LIMD1: variants seen among roughly 807,000 people sequenced by gnomAD.
LIMD1 encodes LIM domain-containing protein 1.
LIMD1 carries 23 observed loss-of-function variants against 58.4 expected under a neutral mutation model. The observed-to-expected ratio is 0.39, with a 90% CI of 0.28 to 0.56. The LOEUF (loss-of-function observed/expected upper bound fraction) is 0.56, where lower values mean the gene tolerates loss of function less well. Among genes scored for constraint, LIMD1 ranks in the 20% least tolerant of loss-of-function variants. The probability of loss-of-function intolerance (pLI) is 0.57; values close to 1 mark genes in which losing one functional copy is unlikely to be tolerated. For missense variants in LIMD1, 838 were observed against 855.5 expected (o/e 0.98, Z 0.25); for synonymous variants, 334 against 345.5 (o/e 0.97, Z 0.37).
At chr3:45,601,823 C>T (rs899651124) in intron 1 of LIMD1, among the ~76,000 whole-genome samples, 3 of 152,172 alleles carry the variant, frequency 2.0e-5, no homozygotes, top group African/African-American at 7.2e-5. Flanking sequence ...TGGTCTCTCA[C>T]GTCTGAGTGG....
intron 1 of LIMD1, chr3:45,632,694 G>T: frequency 4.0e-6 from 1 of 247,514 alleles, no homozygotes; most frequent in Non-Finnish European, 6.4e-6. Flanking sequence ...TTCACTAGGA[G>T]AGGCAAATGC....
At chr3:45,658,004 A>G (rs1479764579) in intron 2 of LIMD1, among the ~76,000 whole-genome samples, 2 of 152,228 alleles carry the variant, frequency 1.3e-5, no homozygotes, top group African/African-American at 4.8e-5. Context: ...CGTAAAAGGC[A>G]TGTGACAGTA....
At chr3:45,649,392 AT>A (rs1348353886) in intron 2 of LIMD1, among the ~76,000 whole-genome samples, 1 of 151,806 alleles carries the variant, frequency 6.6e-6, no homozygotes, top group African/African-American at 2.4e-5. Flanking sequence ...TTTAAAATAT[AT>A]TTTTTTGGCT....
intron 1 of LIMD1, among the ~76,000 whole-genome samples, chr3:45,598,697 T>TG (rs1482530131): frequency 6.6e-6 from 1 of 152,138 alleles, no homozygotes; most frequent in Non-Finnish European, 1.5e-5. Flanking sequence ...GCCCTGGGGC[T>TG]GGGGGTGGCA....
chr3:45,596,849 G>A (rs568646499), intron 1 of LIMD1, among the ~76,000 whole-genome samples: 10 of 149,036 alleles, frequency 6.7e-5, no homozygotes, highest in African/African-American at 2.5e-4. Flanking sequence ...TGAAAGACTT[G>A]TAGAGCAGTG....
chr3:45,672,626 C>T, intron 4 of LIMD1, 64 bp from the exon 5 acceptor site: 1 of 1,568,860 alleles, frequency 6.4e-7, no homozygotes, highest in Non-Finnish European at 8.7e-7. Context: ...CTGATGTGTT[C>T]CTCTCCCCTT....
At chr3:45,661,810 G>A (rs890834482) in intron 2 of LIMD1, among the ~76,000 whole-genome samples, 2 of 152,192 alleles carry the variant, frequency 1.3e-5, no homozygotes, top group South Asian at 2.1e-4. Flanking sequence ...CCAGGCTGGC[G>A]TGCACAGACG....
chr3:45,597,177 G>A (rs1290915615), intron 1 of LIMD1, among the ~76,000 whole-genome samples: 1 of 152,124 alleles, frequency 6.6e-6, no homozygotes, highest in Non-Finnish European at 1.5e-5. Flanking sequence ...TGGTTCTTAA[G>A]TGTAGTCCCT....
chr3:45,597,504 CT>C (rs1175415100), intron 1 of LIMD1, among the ~76,000 whole-genome samples: 1 of 152,220 alleles, frequency 6.6e-6, no homozygotes, highest in Non-Finnish European at 1.5e-5. Context: ...CTAGCTTCAA[CT>C]TTTTTTCTTT....
intron 1 of LIMD1, among the ~76,000 whole-genome samples, chr3:45,621,205 C>G (rs930641374): frequency 6.6e-6 from 1 of 151,866 alleles, no homozygotes; most frequent in Non-Finnish European, 1.5e-5. Flanking sequence ...CTCCCTTCCC[C>G]TCCCCTCCCC....
intron 5 of LIMD1, 133 bp from the exon 6 acceptor site, chr3:45,673,321 C>A: frequency 1.4e-6 from 1 of 719,146 alleles, no homozygotes; most frequent in Non-Finnish European, 2.5e-6. Flanking sequence ...AGGTACCAGT[C>A]ATTCTATGAG....
intron 7 of LIMD1, among the ~76,000 whole-genome samples, chr3:45,676,115 G>A (rs1391148727): frequency 2.0e-5 from 3 of 152,040 alleles, no homozygotes; most frequent in South Asian, 2.1e-4. Context: ...GTGTTGGCGC[G>A]TGCATAATCC....
chr3:45,601,943 C>CT (rs534236802), intron 1 of LIMD1, among the ~76,000 whole-genome samples: 1,859 of 141,588 alleles, frequency 0.013, 62 homozygotes, highest in African/African-American at 0.045. Flanking sequence ...AGGCTGTGGA[C>CT]TTTTTTTTTT....
At chr3:45,647,518 G>A (rs1257816446) in intron 2 of LIMD1, among the ~76,000 whole-genome samples, 1 of 152,126 alleles carries the variant, frequency 6.6e-6, no homozygotes, top group Non-Finnish European at 1.5e-5. Flanking sequence ...TCAGGGGCAG[G>A]GTGACAGCTG....
chr3:45,632,086 G>A, intron 1 of LIMD1, among the ~76,000 whole-genome samples: 1 of 152,156 alleles, frequency 6.6e-6, no homozygotes, highest in East Asian at 1.9e-4. Context: ...TTTGGGAGTG[G>A]TTTTACACCA....
At chr3:45,629,071 G>A (rs1701699295) in intron 1 of LIMD1, among the ~76,000 whole-genome samples, 1 of 152,100 alleles carries the variant, frequency 6.6e-6, no homozygotes, top group Non-Finnish European at 1.5e-5. Flanking sequence ...CTGGGGCAGT[G>A]GATTTGATCA....
At chr3:45,654,178 A>G (rs1484165065) in intron 2 of LIMD1, among the ~76,000 whole-genome samples, 1 of 152,224 alleles carries the variant, frequency 6.6e-6, no homozygotes, top group African/African-American at 2.4e-5. Flanking sequence ...ACTAACTGGG[A>G]CAGTACAATC....
chr3:45,617,391 G>A (rs956604041), intron 1 of LIMD1, among the ~76,000 whole-genome samples: 2 of 152,078 alleles, frequency 1.3e-5, no homozygotes, highest in African/African-American at 4.8e-5. Context: ...CTAAGAAAGG[G>A]CCCTGATGGT....
rs1234902397 is a variant in LIMD1 at position 45,665,703 on chromosome 3, G to T, written c.1564G>T (p.Glu522Ter). Residue 522 changes from glutamate to a stop codon, truncating the protein, a stop_gained, in exon 3 of 8, where the codon GAA (glutamate) becomes TAA (stop). Transcript: ENST00000273317. LOFTEE classifies it high-confidence loss of function. ...TTTTGTCAACGGCAAAGTGTTTTGT[G>T]AAGAAGACTTCCTGGTGAGTGTGTC... ...FYFVNGKVFCEEDFLYSGFQQ... is the reference protein window; with the variant it reads ...FYFVNGKVFC 1 of 1,613,962 alleles carries T rather than the reference G, an allele frequency of 6.2e-7. No homozygotes were observed. Among genetic ancestry groups the T allele is most frequent in the African/African-American group, 1.3e-5 (1 of 74,922 alleles).
Sources: allele counts gnomAD v4.1 joint callset (sites outside exome capture counted in the v4.1 genomes callset), GRCh38; gene constraint gnomAD v4.1.1; transcripts MANE v1.5; gene names NCBI Gene and HGNC (gene_info 2026-07-23, HGNC 2026-07-21).